Variants in NFIB observed in about 807,000 individuals in gnomAD.
NFIB encodes nuclear factor I B.
NFIB carries 11 observed loss-of-function variants against 61.5 expected under a neutral mutation model. The observed-to-expected ratio is 0.18, with a 90% CI of 0.11 to 0.30. The LOEUF is 0.30. Ranked by LOEUF, NFIB falls within the 10% of genes least tolerant of loss-of-function variation. The pLI is 1.00. For synonymous variants in NFIB, 260 were observed against 216.5 expected (o/e 1.20, Z -1.76); for missense variants, 471 against 608.9 (o/e 0.77, Z 2.38).
At chr9:14,097,421 C>T (rs1292960917) in intron 10 of NFIB, among the ~76,000 whole-genome samples, 1 of 152,152 alleles carries the variant, frequency 6.6e-6, no homozygotes. Context: ...AAGCTCCCCC[C>T]AGGAACTCCA....
chr9:14,141,967 TATC>T (rs999782853), intron 6 of NFIB, among the ~76,000 whole-genome samples: 2 of 146,582 alleles, frequency 1.4e-5, no homozygotes, highest in South Asian at 2.2e-4. Context: ...ATATTTAACA[TATC>T]ATATTTTTTC....
chr9:14,105,913 G>A (rs1587225215), intron 10 of NFIB, among the ~76,000 whole-genome samples: 1 of 152,022 alleles, frequency 6.6e-6, no homozygotes, highest in South Asian at 2.1e-4. Context: ...TTTGAGTTTG[G>A]GGTGGTGATT....
chr9:14,324,795 T>C (rs1210153495), intron 1 of NFIB, among the ~76,000 whole-genome samples: 1 of 152,116 alleles, frequency 6.6e-6, no homozygotes, highest in Non-Finnish European at 1.5e-5. Context: ...ATGTGAAGCT[T>C]ATAATGATAC....
chr9:14,148,102 T>C (rs1055029189), intron 5 of NFIB, among the ~76,000 whole-genome samples: 6 of 152,094 alleles, frequency 3.9e-5, no homozygotes, highest in African/African-American at 1.4e-4. Flanking sequence ...ATTATGACTA[T>C]AAAAGTGAAT....
chr9:14,262,814 C>A (rs2056891979), intron 2 of NFIB, among the ~76,000 whole-genome samples: 1 of 152,140 alleles, frequency 6.6e-6, no homozygotes, highest in Admixed American at 6.5e-5. Context: ...GTTGTTCCTG[C>A]TGCACCAGAC....
At chr9:14,144,971 T>A (rs114540416) in intron 6 of NFIB, among the ~76,000 whole-genome samples, 1 of 152,166 alleles carries the variant, frequency 6.6e-6, no homozygotes, top group Non-Finnish European at 1.5e-5. Context: ...AAGATTCCCA[T>A]TTTTTCCTGA....
At chr9:14,479,423 G>A in the NFIB span, among the ~76,000 whole-genome samples, 3 of 152,184 alleles carry the variant, frequency 2.0e-5, no homozygotes, top group African/African-American at 7.2e-5. Context: ...ACAGGCTTGG[G>A]TATGGTGGAG....
At chr9:14,272,215 A>T (rs1015043761) in intron 2 of NFIB, among the ~76,000 whole-genome samples, 10 of 152,182 alleles carry the variant, frequency 6.6e-5, no homozygotes, top group Non-Finnish European at 1.5e-4. Context: ...TATTTCTGGA[A>T]CTTGCAACTA....
chr9:14,204,108 C>T (rs1318442902), intron 2 of NFIB: 1 of 395,932 alleles, frequency 2.5e-6, no homozygotes, highest in African/African-American at 2.1e-5. Flanking sequence ...AATTTGTTTT[C>T]TTCTCATCCT....
intron 2 of NFIB, among the ~76,000 whole-genome samples, chr9:14,211,710 G>A (rs2050324100): frequency 6.6e-6 from 1 of 152,222 alleles, no homozygotes; most frequent in Non-Finnish European, 1.5e-5. Context: ...GGGGCCGTCT[G>A]AGCTGTGCTT....
the NFIB span, among the ~76,000 whole-genome samples, chr9:14,492,689 C>G: frequency 6.6e-6 from 1 of 152,136 alleles, no homozygotes; most frequent in Non-Finnish European, 1.5e-5. Context: ...GATCCACCCC[C>G]ATGATACAAT....
intron 2 of NFIB, among the ~76,000 whole-genome samples, chr9:14,225,456 C>CAAAAAAAAAAAAAAAA (rs1228589594): frequency 2.9e-4 from 17 of 57,994 alleles, no homozygotes; most frequent in East Asian, 5.9e-4. Flanking sequence ...GACTCCGTCT[C>CAAAAAAAAAAAAAAAA]AAAAAAAAAA....
the NFIB span, among the ~76,000 whole-genome samples, chr9:14,428,635 G>A: frequency 6.6e-6 from 1 of 152,150 alleles, no homozygotes; most frequent in Non-Finnish European, 1.5e-5. Flanking sequence ...GGATTTATGT[G>A]GCTTCATTAA....
At chr9:14,221,324 A>G (rs1394669906) in intron 2 of NFIB, among the ~76,000 whole-genome samples, 2 of 152,242 alleles carry the variant, frequency 1.3e-5, no homozygotes, top group East Asian at 3.8e-4. Flanking sequence ...CTAGACATGC[A>G]TTATCTGACA....
At chr9:14,352,816 A>T (rs933745514) in intron 1 of NFIB, among the ~76,000 whole-genome samples, 1 of 152,188 alleles carries the variant, frequency 6.6e-6, no homozygotes, top group African/African-American at 2.4e-5. Flanking sequence ...CATAGGAAGG[A>T]CCCTGTAGCC....
the NFIB span, among the ~76,000 whole-genome samples, chr9:14,499,479 G>A: frequency 5.3e-5 from 8 of 152,124 alleles, no homozygotes; most frequent in Non-Finnish European, 1.5e-5. Context: ...CCAGAACAGG[G>A]GACAGGCAGA....
intron 1 of NFIB, among the ~76,000 whole-genome samples, chr9:14,347,765 T>C (rs1258909724): frequency 6.6e-6 from 1 of 151,968 alleles, no homozygotes; most frequent in Non-Finnish European, 1.5e-5. Context: ...GCGGTTTTTT[T>C]TCCGTGCAGA....
chr9:14,314,153 G>T, upstream of NFIB: 4 of 1,010,718 alleles, frequency 4.0e-6, no homozygotes, highest in Middle Eastern at 4.7e-4. Flanking sequence ...CGCGGGTGGC[G>T]GGGCGCGCGC....
intron 2 of NFIB, among the ~76,000 whole-genome samples, chr9:14,184,887 G>A (rs983326716): frequency 6.6e-6 from 1 of 152,116 alleles, no homozygotes; most frequent in Non-Finnish European, 1.5e-5. Context: ...GCCAGGTGCG[G>A]TGGCACACAC....
Sources: allele counts gnomAD v4.1 joint callset (sites outside exome capture counted in the v4.1 genomes callset), GRCh38; gene constraint gnomAD v4.1.1; transcripts MANE v1.5; gene names NCBI Gene and HGNC (gene_info 2026-07-23, HGNC 2026-07-21).